The following DTNBP1 variants were observed in gnomAD, a reference collection of about 807,000 sequenced individuals.
DTNBP1 encodes the protein dystrobrevin binding protein 1.
In DTNBP1, 35 loss-of-function variants were observed where a neutral mutation model predicts 42.8. The ratio of observed to expected loss-of-function variants is 0.82; its 90% CI spans 0.63 to 1.09. The LOEUF (loss-of-function observed/expected upper bound fraction) is 1.09, where lower values mean the gene tolerates loss of function less well. Ranked by LOEUF, DTNBP1 falls within the 50% of genes least tolerant of loss-of-function variation. The pLI is 0.00. For synonymous variants in DTNBP1, 171 were observed against 162.2 expected (o/e 1.05, Z -0.41); for missense variants, 457 against 424.2 (o/e 1.08, Z -0.68).
At chr6:15,577,247 C>T (rs1775619151) in intron 7 of DTNBP1, among the ~76,000 whole-genome samples, 1 of 152,200 alleles carries the variant, frequency 6.6e-6, no homozygotes, top group South Asian at 2.1e-4. Context: ...AAGGGCTGGG[C>T]CCTGCAGGGC....
chr6:15,648,206 A>G (rs2113799456), intron 3 of DTNBP1, among the ~76,000 whole-genome samples: 1 of 152,190 alleles, frequency 6.6e-6, no homozygotes, highest in Non-Finnish European at 1.5e-5. Context: ...ACAAAATTCA[A>G]CATCCTTTCA....
chr6:15,651,261 G>A, intron 3 of DTNBP1, 52 bp downstream of exon 3: 1 of 1,498,084 alleles, frequency 6.7e-7, no homozygotes. Context: ...AGATATTTTT[G>A]GTCAGTAAAA....
In DTNBP1 at chr6:15,627,309, T is replaced by C. The variant is rs368944340; in HGVS notation, c.355+34A>G. 6 of 1,609,862 alleles carry C rather than the reference T, an allele frequency of 3.7e-6. No homozygotes were observed. The Middle Eastern group carries it at 5.0e-4, about 134-fold the overall frequency. On this transcript the variant is annotated intron_variant, in intron 5 of 9. Transcript: ENST00000344537. Reference sequence around the variant, plus strand: ...ACCCTGCCCAAGTTGTTTTCATTCCTAAAAGTAATGTACAATGAAAACATT... The same window carrying C: ...ACCCTGCCCAAGTTGTTTTCATTCCCAAAAGTAATGTACAATGAAAACATT...
intron 4 of DTNBP1, among the ~76,000 whole-genome samples, chr6:15,630,825 G>C (rs1308218202): frequency 6.6e-6 from 1 of 152,160 alleles, no homozygotes; most frequent in Non-Finnish European, 1.5e-5. Context: ...GGCTGAGGCA[G>C]GAGAATCGCT....
At chr6:15,659,927 G>A (rs532686330) in intron 1 of DTNBP1, among the ~76,000 whole-genome samples, 6 of 152,160 alleles carry the variant, frequency 3.9e-5, no homozygotes, top group Non-Finnish European at 8.8e-5. Context: ...AGCCTCCCAA[G>A]TAGCTGGGAC....
At chr6:15,539,809 G>A (rs896240578) in intron 7 of DTNBP1, among the ~76,000 whole-genome samples, 1 of 152,018 alleles carries the variant, frequency 6.6e-6, no homozygotes, top group African/African-American at 2.4e-5. Flanking sequence ...TCTTGGAATC[G>A]CCTCCCAAAG....
chr6:15,554,409 G>A (rs1434040333), intron 7 of DTNBP1, among the ~76,000 whole-genome samples: 1 of 152,004 alleles, frequency 6.6e-6, no homozygotes, highest in African/African-American at 2.4e-5. Flanking sequence ...TCTGTCTTTT[G>A]TTATAGGGGT....
At chr6:15,566,890 C>T (rs555682291) in intron 7 of DTNBP1, among the ~76,000 whole-genome samples, 4 of 152,062 alleles carry the variant, frequency 2.6e-5, no homozygotes, top group African/African-American at 9.6e-5. Context: ...CGGGGTTTCG[C>T]CAGTTGGCCA....
intron 7 of DTNBP1, among the ~76,000 whole-genome samples, chr6:15,574,802 C>T (rs1581345098): frequency 1.3e-5 from 2 of 152,114 alleles, no homozygotes; most frequent in African/African-American, 4.8e-5. Flanking sequence ...TGGTAGGACC[C>T]TCTAATATTT....
intron 6 of DTNBP1, 153 bp downstream of exon 6, chr6:15,615,114 T>C: frequency 9.1e-7 from 1 of 1,099,022 alleles, no homozygotes; most frequent in Non-Finnish European, 1.4e-6. Context: ...CAACAGACAG[T>C]GGTTTTTAAA....
At chr6:15,608,916 T>TTAAA (rs1259058186) in intron 6 of DTNBP1, among the ~76,000 whole-genome samples, 1 of 152,226 alleles carries the variant, frequency 6.6e-6, no homozygotes, top group Non-Finnish European at 1.5e-5. Flanking sequence ...TCCACTCATT[T>TTAAA]TGTCGGGCAC....
chr6:15,619,786 A>C (rs1235841490), intron 5 of DTNBP1, among the ~76,000 whole-genome samples: 1 of 152,186 alleles, frequency 6.6e-6, no homozygotes. Context: ...CCTCCTCTCA[A>C]GCATTTATCC....
At chr6:15,663,055 CGCGCCAGGCTCGCGCAGCCGCAGTGGACT>C, upstream of DTNBP1, 1 of 739,546 alleles carries the variant, frequency 1.4e-6, no homozygotes, top group Non-Finnish European at 2.0e-6. Flanking sequence ...CCGCCCCGCG[CGCGCCAGGCTCGCGCAGCCGCAGTGGACT>C]GCGCCGGGCT....
intron 7 of DTNBP1, among the ~76,000 whole-genome samples, chr6:15,539,194 T>C (rs773331663): frequency 5.9e-5 from 9 of 152,244 alleles, no homozygotes; most frequent in South Asian, 4.1e-4. Context: ...CAAAGCAACA[T>C]AGGAAAAGTA....
chr6:15,547,519 G>A (rs1198555864), intron 7 of DTNBP1, among the ~76,000 whole-genome samples: 1 of 152,146 alleles, frequency 6.6e-6, no homozygotes. Context: ...GAAGCAGCTG[G>A]TACAATCCAT....
chr6:15,617,733 A>C (rs1384047992), intron 5 of DTNBP1, among the ~76,000 whole-genome samples: 2 of 152,224 alleles, frequency 1.3e-5, no homozygotes, highest in Non-Finnish European at 2.9e-5. Flanking sequence ...CTCATAATGG[A>C]CTAAAGACTT....
chr6:15,544,610 T>G (rs1020223494), intron 7 of DTNBP1, among the ~76,000 whole-genome samples: 8 of 152,226 alleles, frequency 5.3e-5, no homozygotes, highest in East Asian at 1.9e-4. Context: ...TGAGTATCCC[T>G]GCGCTGAAAT....
At chr6:15,531,347 C>T (rs930467888) in intron 8 of DTNBP1, among the ~76,000 whole-genome samples, 1 of 152,148 alleles carries the variant, frequency 6.6e-6, no homozygotes, top group Non-Finnish European at 1.5e-5. Flanking sequence ...CCATGGGAAG[C>T]CACTCTCTAC....
intron 5 of DTNBP1, among the ~76,000 whole-genome samples, chr6:15,620,123 A>G (rs1758957816): frequency 6.6e-6 from 1 of 152,190 alleles, no homozygotes; most frequent in Admixed American, 6.5e-5. Context: ...TCATATTAAT[A>G]TATCACGGTA....
Sources: gnomAD v4.1 joint callset for allele counts (sites outside exome capture counted in the v4.1 genomes callset) on GRCh38, gnomAD v4.1.1 for gene constraint, MANE v1.5 for transcripts, NCBI Gene and HGNC (gene_info 2026-07-23, HGNC 2026-07-21) for gene names.